Variants in ADAMTSL1 observed in about 807,000 individuals in gnomAD.
ADAMTSL1 encodes ADAMTS-like protein 1.
A neutral mutation model predicts 201.8 loss-of-function variants in ADAMTSL1; 126 were observed. That is an observed-to-expected ratio of 0.62 (90% CI 0.54 to 0.72). The LOEUF (loss-of-function observed/expected upper bound fraction) is 0.72. ADAMTSL1 is among the 30% of genes least tolerant of loss of function. ADAMTSL1 has a pLI of 0.00. For synonymous variants in ADAMTSL1, 1,121 were observed against 903.4 expected, an observed-to-expected ratio of 1.24 and a Z score of -4.32; for missense variants, 2,679 against 2,277.8, an observed-to-expected ratio of 1.18 and a Z score of -3.59.
At chr9:18,693,266 C>T (rs560048086) in intron 13 of ADAMTSL1, among the ~76,000 whole-genome samples, 2 of 152,290 alleles carry the variant, frequency 1.3e-5, no homozygotes, top group East Asian at 1.9e-4. Flanking sequence ...TTCAAAATGA[C>T]ATTTTATTGA....
At chr9:18,808,860 T>C (rs542803055) in intron 20 of ADAMTSL1, among the ~76,000 whole-genome samples, 3 of 152,352 alleles carry the variant, frequency 2.0e-5, no homozygotes, top group South Asian at 4.1e-4. Context: ...TTCTGTTGCC[T>C]TGGACAAACC....
intron 3 of ADAMTSL1, among the ~76,000 whole-genome samples, chr9:18,537,237 A>G (rs1819833137): frequency 6.6e-6 from 1 of 152,220 alleles, no homozygotes; most frequent in Non-Finnish European, 1.5e-5. Context: ...AAAAGGAAAT[A>G]TATCAGCAGT....
intron 1 of ADAMTSL1, among the ~76,000 whole-genome samples, chr9:17,975,210 A>AT (rs943339508): frequency 7.4e-5 from 11 of 147,682 alleles, no homozygotes; most frequent in Admixed American, 4.7e-4. Context: ...TAATTGGGTC[A>AT]TTTTTTTTTC....
intron 1 of ADAMTSL1, among the ~76,000 whole-genome samples, chr9:17,992,122 G>T (rs1401160821): frequency 6.6e-6 from 1 of 152,052 alleles, no homozygotes; most frequent in Non-Finnish European, 1.5e-5. Flanking sequence ...TATAGAGTAT[G>T]GGTATAGAGA....
intron 2 of ADAMTSL1, among the ~76,000 whole-genome samples, chr9:18,349,147 T>C (rs1195408469): frequency 2.0e-5 from 3 of 152,136 alleles, no homozygotes; most frequent in African/African-American, 7.2e-5. Flanking sequence ...CTGACTGCAT[T>C]TGAATATTTG....
intron 2 of ADAMTSL1, among the ~76,000 whole-genome samples, chr9:18,452,466 T>C (rs1820446523): frequency 6.6e-6 from 1 of 152,162 alleles, no homozygotes; most frequent in Non-Finnish European, 1.5e-5. Context: ...ATTCCAATAG[T>C]TTCAAAAGTC....
chr9:18,839,228 C>T (rs1047160613), intron 23 of ADAMTSL1, among the ~76,000 whole-genome samples: 14 of 142,720 alleles, frequency 9.8e-5, no homozygotes, highest in African/African-American at 3.4e-4. Flanking sequence ...GTTCCCCTTC[C>T]TGTGTACATG....
intron 2 of ADAMTSL1, among the ~76,000 whole-genome samples, chr9:18,343,017 G>T (rs1170872188): frequency 2.0e-5 from 3 of 151,766 alleles, no homozygotes; most frequent in African/African-American, 7.2e-5. Flanking sequence ...TTTAAAAAAT[G>T]TGGGTTTTTT....
intron 2 of ADAMTSL1, among the ~76,000 whole-genome samples, chr9:18,204,488 G>C (rs1359838250): frequency 2.0e-5 from 3 of 151,926 alleles, no homozygotes; most frequent in Non-Finnish European, 2.9e-5. Context: ...CCCAGTCTTG[G>C]GCAGTTCTTC....
intron 3 of ADAMTSL1, chr9:18,573,309 CAG>C (rs1225209589): frequency 6.5e-6 from 1 of 154,698 alleles, no homozygotes; most frequent in African/African-American, 2.4e-5. Flanking sequence ...GAGAGCTGTG[CAG>C]AGTTATTGCC....
intron 4 of ADAMTSL1, among the ~76,000 whole-genome samples, chr9:18,594,209 G>T (rs866137100): frequency 6.6e-6 from 1 of 151,952 alleles, no homozygotes; most frequent in African/African-American, 2.4e-5. Flanking sequence ...GGCCTGTAGG[G>T]TTTCTAAGAA....
chr9:18,474,098 GGAAATGTGA>G, upstream of ADAMTSL1: 1 of 560,816 alleles, frequency 1.8e-6, no homozygotes, highest in African/African-American at 1.9e-5. Flanking sequence ...CCCTCGGTCA[GGAAATGTGA>G]GAGGGGCTGA....
At chr9:18,772,437 T>C (rs1820750557) in intron 17 of ADAMTSL1, among the ~76,000 whole-genome samples, 1 of 152,148 alleles carries the variant, frequency 6.6e-6, no homozygotes, top group Non-Finnish European at 1.5e-5. Context: ...AAAGGTCCCA[T>C]TGGTCCCATT....
intron 2 of ADAMTSL1, among the ~76,000 whole-genome samples, chr9:18,256,385 G>C (rs962909954): frequency 6.6e-6 from 1 of 152,190 alleles, no homozygotes; most frequent in Non-Finnish European, 1.5e-5. Context: ...GGGTTTCCAG[G>C]AGTTCCTCAA....
At chr9:18,175,128 T>C (rs1010021975) in intron 2 of ADAMTSL1, among the ~76,000 whole-genome samples, 1 of 152,174 alleles carries the variant, frequency 6.6e-6, no homozygotes, top group Non-Finnish European at 1.5e-5. Context: ...GGTTGTGTTG[T>C]TGGGTTGAAG....
intron 7 of ADAMTSL1, among the ~76,000 whole-genome samples, chr9:18,657,323 A>T (rs918557013): frequency 1.6e-4 from 25 of 152,188 alleles, no homozygotes; most frequent in African/African-American, 3.9e-4. Flanking sequence ...TATTATACCA[A>T]AGAGGTTGGA....
chr9:18,234,551 A>G (rs1830765810), intron 2 of ADAMTSL1, among the ~76,000 whole-genome samples: 1 of 152,190 alleles, frequency 6.6e-6, no homozygotes, highest in Non-Finnish European at 1.5e-5. Flanking sequence ...ATAAATGGTA[A>G]TAATAGAAGT....
chr9:18,524,702 G>A (rs1374984057), intron 2 of ADAMTSL1, among the ~76,000 whole-genome samples: 8 of 152,134 alleles, frequency 5.3e-5, no homozygotes, highest in African/African-American at 1.7e-4. Context: ...AGATAATCAT[G>A]TGGTTTTTGT....
rs151338253 is a variant in ADAMTSL1 at position 18,393,102 on chromosome 9, G to T, written c.208-111727G>T. Among the ~76,000 whole-genome samples, 141 of 152,246 alleles carry T rather than the reference G, an allele frequency of 9.3e-4. 3 individuals carry two copies. Among genetic ancestry groups the T allele is most frequent in the African/African-American group, 3.1e-3 (127 of 41,550 alleles). On this transcript the variant is annotated intron_variant, in intron 2 of 29. Coordinates refer to the ADAMTSL1 transcript ENST00000680146. ...TTTCTGCTTTGAGTATACTACTCAG[G>T]TTATTAGTGGATGCATGAATGTGGG...
Sources: gnomAD v4.1 joint callset for allele counts (sites outside exome capture counted in the v4.1 genomes callset) on GRCh38, gnomAD v4.1.1 for gene constraint, MANE v1.5 for transcripts, NCBI Gene and HGNC (gene_info 2026-07-23, HGNC 2026-07-21) for gene names.